The following RANBP2 variants were observed in gnomAD, a reference collection of about 807,000 sequenced individuals.
RANBP2 encodes E3 SUMO-protein ligase RanBP2.
In RANBP2, 57 loss-of-function variants were observed where a neutral mutation model predicts 303.6. That is an observed-to-expected ratio of 0.19 (90% CI 0.15 to 0.23). RANBP2 has a LOEUF of 0.23. RANBP2 is among the 10% of genes least tolerant of loss of function. The pLI is 1.00. For synonymous variants in RANBP2, 1,167 were observed against 1,301.5 expected (o/e 0.90, Z 2.23); for missense variants, 3,138 against 3,780.8 (o/e 0.83, Z 4.46).
chr2:109,586,087 T>C, the RANBP2 span, among the ~76,000 whole-genome samples: 19 of 152,150 alleles, frequency 1.2e-4, no homozygotes, highest in Non-Finnish European at 2.5e-4. Flanking sequence ...ATTAAAACAT[T>C]CGATTTCCAA....
At chr2:108,917,651 G>C in the RANBP2 span, among the ~76,000 whole-genome samples, 1 of 152,106 alleles carries the variant, frequency 6.6e-6, no homozygotes, top group African/African-American at 2.4e-5. Context: ...ACTAGAGGGG[G>C]GTCAAACGGG....
At chr2:109,393,787 T>A in the RANBP2 span, among the ~76,000 whole-genome samples, 2 of 152,070 alleles carry the variant, frequency 1.3e-5, no homozygotes, top group Non-Finnish European at 2.9e-5. Flanking sequence ...GCTGTTTTTC[T>A]TTTGAAGCTG....
chr2:109,205,455 G>A, the RANBP2 span, among the ~76,000 whole-genome samples: 3 of 151,860 alleles, frequency 2.0e-5, no homozygotes, highest in Admixed American at 2.0e-4. Context: ...TCACCATGTT[G>A]GCCAGGCTGG....
the RANBP2 span, among the ~76,000 whole-genome samples, chr2:109,620,822 T>A: frequency 1.3e-5 from 2 of 152,198 alleles, no homozygotes; most frequent in South Asian, 4.1e-4. Context: ...AATGACTACT[T>A]ATTCTGTGAA....
chr2:109,653,686 A>G, the RANBP2 span, among the ~76,000 whole-genome samples: 1 of 152,164 alleles, frequency 6.6e-6, no homozygotes, highest in Non-Finnish European at 1.5e-5. Flanking sequence ...GGGTCACACA[A>G]AATAATTTCC....
At chr2:109,562,859 C>CAGA in the RANBP2 span, among the ~76,000 whole-genome samples, 1 of 151,984 alleles carries the variant, frequency 6.6e-6, no homozygotes, top group African/African-American at 2.4e-5. Flanking sequence ...GGCCCACAAC[C>CAGA]AGAAGCATCC....
At chr2:109,517,367 G>A in the RANBP2 span, among the ~76,000 whole-genome samples, 1 of 152,264 alleles carries the variant, frequency 6.6e-6, no homozygotes, top group Non-Finnish European at 1.5e-5. Flanking sequence ...CAGGTTCATT[G>A]GTCATTCATG....
At chr2:109,692,998 G>A in the RANBP2 span, among the ~76,000 whole-genome samples, 3 of 151,502 alleles carry the variant, frequency 2.0e-5, no homozygotes, top group Admixed American at 6.6e-5. Flanking sequence ...TCATTATACC[G>A]TCTGCCCTTT....
chr2:109,444,498 C>A, the RANBP2 span, among the ~76,000 whole-genome samples: 518 of 152,278 alleles, frequency 3.4e-3, 3 homozygotes, highest in African/African-American at 0.012. Context: ...TGTGCCAGTT[C>A]TAAAAATTCC....
the RANBP2 span, among the ~76,000 whole-genome samples, chr2:109,168,522 C>T: frequency 9.3e-3 from 1,414 of 152,352 alleles, 31 homozygotes; most frequent in African/African-American, 0.032. Context: ...GGGGGACCTT[C>T]TGCAACATCT....
the RANBP2 span, among the ~76,000 whole-genome samples, chr2:109,250,453 C>T: frequency 3.0e-4 from 45 of 151,596 alleles, no homozygotes; most frequent in African/African-American, 8.2e-4. Context: ...TTGATATACT[C>T]GGAAAACTTA....
chr2:109,594,165 G>A, the RANBP2 span, among the ~76,000 whole-genome samples: 1 of 152,138 alleles, frequency 6.6e-6, no homozygotes, highest in East Asian at 1.9e-4. Context: ...AGAGGTACAA[G>A]AAAAACTGTA....
At chr2:109,044,406 C>T in the RANBP2 span, among the ~76,000 whole-genome samples, 1 of 151,760 alleles carries the variant, frequency 6.6e-6, no homozygotes, top group Non-Finnish European at 1.5e-5. Flanking sequence ...ACCTGTAGTC[C>T]CAGCTACTCG....
At chr2:109,258,032 A>G in the RANBP2 span, among the ~76,000 whole-genome samples, 2 of 152,060 alleles carry the variant, frequency 1.3e-5, no homozygotes, top group African/African-American at 2.4e-5. Flanking sequence ...ACACATGTAC[A>G]CTTTCTTATT....
chr2:109,657,714 GT>G, the RANBP2 span, among the ~76,000 whole-genome samples: 2,305 of 82,126 alleles, frequency 0.028, 28 homozygotes, highest in East Asian at 0.11. Flanking sequence ...AATTAGCTGA[GT>G]TTTTTTTTTT....
At chr2:109,129,511 C>T in the RANBP2 span, 1 of 1,494,704 alleles carries the variant, frequency 6.7e-7, no homozygotes, top group South Asian at 1.2e-5. Flanking sequence ...ACCTAGGCAG[C>T]CGCGCGAGAC....
At chr2:109,526,221 C>G in the RANBP2 span, among the ~76,000 whole-genome samples, 1 of 152,184 alleles carries the variant, frequency 6.6e-6, no homozygotes, top group Non-Finnish European at 1.5e-5. Flanking sequence ...CACAGGCTTC[C>G]TTTCTTGGGT....
chr2:109,224,682 A>G, the RANBP2 span, among the ~76,000 whole-genome samples: 1 of 151,992 alleles, frequency 6.6e-6, no homozygotes, highest in Non-Finnish European at 1.5e-5. Context: ...ACATGGTGAA[A>G]CCCCGTCTCT....
chr2:109,048,863 C>T, the RANBP2 span, among the ~76,000 whole-genome samples: 1 of 152,120 alleles, frequency 6.6e-6, no homozygotes, highest in African/African-American at 2.4e-5. Flanking sequence ...GAAAACACAG[C>T]TGAAGAGAGT....
Sources: allele counts gnomAD v4.1 joint callset (sites outside exome capture counted in the v4.1 genomes callset), GRCh38; gene constraint gnomAD v4.1.1; transcripts MANE v1.5; gene names NCBI Gene and HGNC (gene_info 2026-07-23, HGNC 2026-07-21).